The following PTPRD variants were observed in gnomAD, a reference collection of about 807,000 sequenced individuals.
PTPRD encodes the protein receptor-type tyrosine-protein phosphatase delta.
A neutral mutation model predicts 214.5 loss-of-function variants in PTPRD; 34 were observed. The observed-to-expected ratio is 0.16, with a 90% CI of 0.12 to 0.21. PTPRD has a LOEUF of 0.21. Ranked by LOEUF, PTPRD falls within the 10% of genes least tolerant of loss-of-function variation. The pLI is 1.00. For missense variants in PTPRD, 2,545 were observed against 2,398.7 expected (o/e 1.06, Z -1.27); for synonymous variants, 1,128 against 845.7 (o/e 1.33, Z -5.79).
intron 11 of PTPRD, among the ~76,000 whole-genome samples, chr9:8,758,032 A>T (rs2094142709): frequency 6.6e-6 from 1 of 152,166 alleles, no homozygotes. Flanking sequence ...ACAATTCCTG[A>T]CATCTCCGTG....
intron 5 of PTPRD, among the ~76,000 whole-genome samples, chr9:9,833,854 T>C (rs1015516272): frequency 6.6e-6 from 1 of 152,082 alleles, no homozygotes; most frequent in East Asian, 1.9e-4. Flanking sequence ...ATGTCTCTTA[T>C]TCCCTGAACA....
chr9:8,836,022 TTTAA>T (rs1433545018), intron 11 of PTPRD, among the ~76,000 whole-genome samples: 1 of 152,200 alleles, frequency 6.6e-6, no homozygotes, highest in Non-Finnish European at 1.5e-5. Context: ...TAAATATTGG[TTTAA>T]TTAATGCATA....
chr9:9,888,568 T>G (rs926677787), intron 5 of PTPRD, among the ~76,000 whole-genome samples: 1 of 152,050 alleles, frequency 6.6e-6, no homozygotes, highest in Non-Finnish European at 1.5e-5. Context: ...GGAGAGCCAA[T>G]TGTTAAAAAT....
chr9:9,404,937 G>A (rs2072663119), intron 8 of PTPRD, among the ~76,000 whole-genome samples: 1 of 152,000 alleles, frequency 6.6e-6, no homozygotes, highest in African/African-American at 2.4e-5. Context: ...TGTGCTTTCT[G>A]CCCCAGTGAA....
intron 11 of PTPRD, among the ~76,000 whole-genome samples, chr9:8,944,338 T>C (rs377515044): frequency 1.1e-3 from 172 of 152,182 alleles, no homozygotes; most frequent in African/African-American, 3.8e-3. Context: ...GGGACAACAG[T>C]ATGGAGATTC....
chr9:10,039,478 C>G (rs1045942574), intron 3 of PTPRD, among the ~76,000 whole-genome samples: 2 of 151,958 alleles, frequency 1.3e-5, no homozygotes, highest in Non-Finnish European at 2.9e-5. Flanking sequence ...ATAGAAGTTG[C>G]AATTAAAATG....
chr9:9,429,292 A>C (rs2082161957), intron 8 of PTPRD, among the ~76,000 whole-genome samples: 1 of 152,228 alleles, frequency 6.6e-6, no homozygotes, highest in African/African-American at 2.4e-5. Context: ...AATAAACTAC[A>C]AAATCTAGAA....
rs114689457 is a variant in PTPRD, at chr9:10,472,632, A to G, written c.-599-131615T>C. Among the ~76,000 whole-genome samples, 613 of 152,178 alleles carry G rather than the reference A, an allele frequency of 4.0e-3. 6 individuals are homozygous for G. The highest frequency in any genetic ancestry group is 0.014 in the African/African-American group (583 of 41,538). On this transcript the variant is annotated intron_variant, in intron 2 of 45. Transcript: ENST00000381196. ...GATAACTCTGCTATGTGTAATAACA[A>G]CCTTCTTTTGAATAGTATCCAATGC...
In PTPRD at chr9:10,363,991, GTTT is replaced by G. The variant is rs71270610; in HGVS notation, c.-599-22977_-599-22975del. 1.0e-2 allele frequency among the ~76,000 whole-genome samples: 348 copies of G among 34,968 alleles called. 11 individuals are homozygous for G. Among genetic ancestry groups the G allele is most frequent in the African/African-American group, 0.036 (288 of 7,954 alleles). The allele number at this position is 34,968 out of a possible 152,430, so 22.9% of individuals were successfully genotyped here. ...ATTATTATTGCCTCCACATTTTCGGGTTTTTTTTTTTTTTTTTTTTTTTTTTGA... is the reference window on the plus strand; with the variant it reads ...ATTATTATTGCCTCCACATTTTCGGGTTTTTTTTTTTTTTTTTTTTTTTGA... On this transcript the variant is annotated intron_variant, in intron 2 of 45. Transcript: ENST00000381196.
At chr9:8,731,195 A>C (rs1485744746) in intron 12 of PTPRD, among the ~76,000 whole-genome samples, 1 of 152,228 alleles carries the variant, frequency 6.6e-6, no homozygotes, top group Admixed American at 6.5e-5. Context: ...TTTTGGAGTT[A>C]ATCATTTCAA....
At chr9:8,653,923 A>G (rs1056114558) in intron 12 of PTPRD, among the ~76,000 whole-genome samples, 3 of 152,080 alleles carry the variant, frequency 2.0e-5, no homozygotes, top group African/African-American at 7.2e-5. Context: ...CAATTGTCCC[A>G]TCTCCCTACA....
At position 10,125,187 on chromosome 9, in the gene PTPRD, GCAAGACAATATAATCAATTACCTT is replaced by G. The variant is rs761335271; in HGVS notation, c.-544-91421_-544-91398del. 1.0e-3 allele frequency among the ~76,000 whole-genome samples: 153 copies of G among 152,018 alleles called. 1 individual carries two copies. Among genetic ancestry groups the G allele is most frequent in the Non-Finnish European group, 1.4e-3 (93 of 67,982 alleles). The stretch of plus-strand genomic sequence containing the variant: ...ACAAACTTAAAGGTGGGAGCTCTGT[GCAAGACAATATAATCAATTACCTT>G]TATTAAGATACTATTATACTATCTT... On this transcript the variant is annotated intron_variant, in intron 3 of 45. Transcript: ENST00000381196.
At chr9:9,066,753 G>C (rs1316873089) in intron 10 of PTPRD, among the ~76,000 whole-genome samples, 1 of 152,162 alleles carries the variant, frequency 6.6e-6, no homozygotes, top group Non-Finnish European at 1.5e-5. Flanking sequence ...CCCGACCATG[G>C]GGTAGCTATC....
chr9:9,825,811 G>T (rs369016573), intron 5 of PTPRD, among the ~76,000 whole-genome samples: 4 of 151,614 alleles, frequency 2.6e-5, no homozygotes, highest in Middle Eastern at 3.4e-3. Context: ...CAAAAATTGG[G>T]TTTATATTTT....
At chr9:10,032,823 T>C (rs2097107556) in intron 4 of PTPRD, among the ~76,000 whole-genome samples, 1 of 151,894 alleles carries the variant, frequency 6.6e-6, no homozygotes, top group South Asian at 2.1e-4. Flanking sequence ...CTTTTTACAT[T>C]TCAACTGTAT....
chr9:8,348,705 G>C (rs1283142329), intron 39 of PTPRD, among the ~76,000 whole-genome samples: 1 of 152,114 alleles, frequency 6.6e-6, no homozygotes, highest in Non-Finnish European at 1.5e-5. Context: ...CTCAGCACTA[G>C]TTCAAATTAA....
chr9:8,750,180 C>T (rs1289247974), intron 11 of PTPRD, among the ~76,000 whole-genome samples: 1 of 151,970 alleles, frequency 6.6e-6, no homozygotes, highest in East Asian at 1.9e-4. Flanking sequence ...TTTTTTGAGA[C>T]AGAGTCTCAT....
At chr9:9,905,409 A>G (rs2077320140) in intron 5 of PTPRD, among the ~76,000 whole-genome samples, 1 of 152,020 alleles carries the variant, frequency 6.6e-6, no homozygotes, top group South Asian at 2.1e-4. Context: ...CTAAGTCTGC[A>G]AACAACTATA....
intron 14 of PTPRD, among the ~76,000 whole-genome samples, chr9:8,550,412 G>A (rs987773501): frequency 4.6e-5 from 7 of 152,074 alleles, no homozygotes; most frequent in African/African-American, 1.7e-4. Flanking sequence ...GCTACTACTA[G>A]ATTGTATGAG....
Sources: allele counts gnomAD v4.1 joint callset (sites outside exome capture counted in the v4.1 genomes callset), GRCh38; gene constraint gnomAD v4.1.1; transcripts MANE v1.5; gene names NCBI Gene and HGNC (gene_info 2026-07-23, HGNC 2026-07-21).